Variants in EPB41L4A observed in about 807,000 individuals in gnomAD.
The protein encoded by EPB41L4A is band 4.1-like protein 4A.
Under a neutral mutation model 108.6 loss-of-function variants are expected in EPB41L4A, and 100 were observed. The observed-to-expected ratio is 0.92, with a 90% CI of 0.78 to 1.09. EPB41L4A has a LOEUF of 1.09. Ranked by LOEUF, EPB41L4A falls within the 50% of genes least tolerant of loss-of-function variation. The probability of loss-of-function intolerance (pLI) is 0.00; values close to 1 mark genes in which losing one functional copy is unlikely to be tolerated. For synonymous variants in EPB41L4A, 319 were observed against 289.0 expected, an observed-to-expected ratio of 1.10 and a Z score of -1.05; for missense variants, 1,030 against 842.7, an observed-to-expected ratio of 1.22 and a Z score of -2.75.
At chr5:112,306,906 C>CA (rs1322174414) in intron 2 of EPB41L4A, among the ~76,000 whole-genome samples, 1 of 151,722 alleles carries the variant, frequency 6.6e-6, no homozygotes, top group Non-Finnish European at 1.5e-5. Context: ...GGTTCATGAA[C>CA]AAAAAAACCT....
At chr5:112,265,161 A>T in intron 5 of EPB41L4A, 145 bp from the exon 6 acceptor site, 2 of 717,978 alleles carry the variant, frequency 2.8e-6, no homozygotes, top group Non-Finnish European at 4.2e-6. Flanking sequence ...ATTTTACTAA[A>T]ACAAATCTGA....
At chr5:112,352,010 G>A (rs1200853173) in intron 1 of EPB41L4A, among the ~76,000 whole-genome samples, 2 of 152,004 alleles carry the variant, frequency 1.3e-5, no homozygotes, top group African/African-American at 2.4e-5. Flanking sequence ...ACATAATAAC[G>A]GCCATGTATG....
intron 1 of EPB41L4A, among the ~76,000 whole-genome samples, chr5:112,358,872 C>G (rs996962809): frequency 1.3e-5 from 2 of 152,168 alleles, no homozygotes; most frequent in African/African-American, 4.8e-5. Context: ...AAAAAAAGAA[C>G]TTCTGCCACA....
chr5:112,339,646 G>A (rs1337349246), intron 1 of EPB41L4A, among the ~76,000 whole-genome samples: 2 of 150,834 alleles, frequency 1.3e-5, no homozygotes, highest in African/African-American at 4.9e-5. Context: ...CGATTCCCCC[G>A]CCTCAGCCTC....
At chr5:112,414,270 G>T (rs1317750873) in intron 1 of EPB41L4A, among the ~76,000 whole-genome samples, 1 of 152,050 alleles carries the variant, frequency 6.6e-6, no homozygotes, top group Non-Finnish European at 1.5e-5. Context: ...TTCCAAAAGA[G>T]GGGGAAAAAA....
intron 1 of EPB41L4A, among the ~76,000 whole-genome samples, chr5:112,407,560 T>C (rs1001042655): frequency 6.6e-6 from 1 of 152,198 alleles, no homozygotes; most frequent in Admixed American, 6.5e-5. Flanking sequence ...AGATAATAGA[T>C]GAAAATCCAT....
chr5:112,319,907 G>C (rs893754999), intron 1 of EPB41L4A, among the ~76,000 whole-genome samples: 7 of 152,044 alleles, frequency 4.6e-5, no homozygotes, highest in African/African-American at 1.7e-4. Context: ...AAGCATTTAG[G>C]GGTAACCAGT....
chr5:112,245,041 G>T (rs551820334), intron 9 of EPB41L4A, among the ~76,000 whole-genome samples: 3 of 151,710 alleles, frequency 2.0e-5, no homozygotes, highest in Non-Finnish European at 4.4e-5. Context: ...AGATTGACAG[G>T]GTTGCCACAA....
In EPB41L4A at chr5:112,168,639, A is replaced by T. The variant is rs1760390094; in HGVS notation, c.1932+100T>A. On this transcript the variant is annotated intron_variant, in intron 22 of 22. Coordinates refer to ENST00000261486, the MANE Select transcript of EPB41L4A (RefSeq NM_022140.5). ...AATCTCAGAATGACATTAAGGTTTC[A>T]TTGCCTGCCCTACCTCCCTAAAGGA... 1.4e-5 allele frequency: 12 copies of T among 829,080 alleles called. No homozygotes were observed. The East Asian group carries it at 3.1e-4, about 22-fold the overall frequency. The allele number at this position is 829,080 out of a possible 1,614,324, so 51.4% of individuals were successfully genotyped here. A position where few individuals can be genotyped will look rare whatever the true frequency, so the allele number is the denominator to read the frequency against.
At chr5:112,250,359 T>C (rs185214383) in intron 9 of EPB41L4A, among the ~76,000 whole-genome samples, 2 of 152,320 alleles carry the variant, frequency 1.3e-5, no homozygotes, top group Non-Finnish European at 1.5e-5. Flanking sequence ...TTTGAAGGAA[T>C]TCACAGATAT....
chr5:112,235,435 C>T (rs936602739), intron 11 of EPB41L4A, among the ~76,000 whole-genome samples: 2 of 152,168 alleles, frequency 1.3e-5, no homozygotes, highest in Non-Finnish European at 2.9e-5. Context: ...ACAATTTATT[C>T]CACAACTGCT....
At chr5:112,184,308 T>C (rs1011258445) in intron 17 of EPB41L4A, among the ~76,000 whole-genome samples, 173 bp from the exon 18 acceptor site, 1 of 152,228 alleles carries the variant, frequency 6.6e-6, no homozygotes, top group South Asian at 2.1e-4. Context: ...TAAGCATATA[T>C]AAACCCTCAG....
intron 1 of EPB41L4A, among the ~76,000 whole-genome samples, chr5:112,383,544 C>T (rs1446367605): frequency 2.0e-5 from 3 of 151,940 alleles, no homozygotes; most frequent in Non-Finnish European, 2.9e-5. Flanking sequence ...GATTGAAATC[C>T]CATTGGCAAT....
At chr5:112,155,776 T>C (rs7720064) in intron 12 of EPB41L4A, among the ~76,000 whole-genome samples, 26,567 of 152,144 alleles carry the variant, frequency 0.17, 2,436 homozygotes, top group Non-Finnish European at 0.21. Context: ...GCAAATTTAA[T>C]ATAGGTTTAC....
At chr5:112,167,452 TA>T (rs1206062538) in intron 22 of EPB41L4A, among the ~76,000 whole-genome samples, 2 of 152,136 alleles carry the variant, frequency 1.3e-5, no homozygotes, top group Non-Finnish European at 2.9e-5. Context: ...ATCGCCATTC[TA>T]GACTGAGGCA....
At position 112,192,069 on chromosome 5, in the gene EPB41L4A, A is replaced by C. The variant is rs375469155; in HGVS notation, c.1502+2499T>G. The C allele has an allele frequency of 9.2e-5, 14 of 152,404 alleles. No homozygotes were observed. The East Asian group carries it at 9.6e-4, about 10-fold the overall frequency. The allele number at this position is 152,404 out of a possible 1,614,324, so 9.4% of individuals were successfully genotyped here. On this transcript the variant is annotated intron_variant, in intron 17 of 22. Coordinates refer to ENST00000261486, the MANE Select transcript of EPB41L4A (RefSeq NM_022140.5). ...AACTGGCTGGATCACACTGTCAGCCAAGAAAAGGAAGGACGAATGAGGCTG... is the reference window on the plus strand; with the variant it reads ...AACTGGCTGGATCACACTGTCAGCCCAGAAAAGGAAGGACGAATGAGGCTG...
At chr5:112,244,667 G>T (rs1750078883) in intron 9 of EPB41L4A, among the ~76,000 whole-genome samples, 1 of 152,158 alleles carries the variant, frequency 6.6e-6, no homozygotes, top group Non-Finnish European at 1.5e-5. Context: ...ATGCAAATAG[G>T]CTTTCCAGTT....
At chr5:112,415,784 T>C (rs1405536035) in intron 1 of EPB41L4A, among the ~76,000 whole-genome samples, 1 of 152,130 alleles carries the variant, frequency 6.6e-6, no homozygotes, top group Non-Finnish European at 1.5e-5. Context: ...ATTGTAGGGC[T>C]CAACACACAA....
intron 1 of EPB41L4A, among the ~76,000 whole-genome samples, chr5:112,326,128 A>T (rs946892631): frequency 6.6e-6 from 1 of 152,138 alleles, no homozygotes; most frequent in Non-Finnish European, 1.5e-5. Context: ...CCAGCCTGGG[A>T]GACACAGTGA....
Sources: allele counts gnomAD v4.1 joint callset (sites outside exome capture counted in the v4.1 genomes callset), GRCh38; gene constraint gnomAD v4.1.1; transcripts MANE v1.5; gene names NCBI Gene and HGNC (gene_info 2026-07-23, HGNC 2026-07-21).